Variants in FOXJ3 observed in about 807,000 individuals in gnomAD.
FOXJ3 encodes the protein forkhead box J3.
A neutral mutation model predicts 76.1 loss-of-function variants in FOXJ3; 22 were observed. That is an observed-to-expected ratio of 0.29 (90% CI 0.21 to 0.41). The LOEUF is 0.41. FOXJ3 is among the 10% of genes least tolerant of loss of function. FOXJ3 has a pLI of 1.00. For synonymous variants in FOXJ3, 269 were observed against 261.2 expected, an observed-to-expected ratio of 1.03 and a Z score of -0.29; for missense variants, 613 against 762.1, an observed-to-expected ratio of 0.80 and a Z score of 2.30.
rs1296909348 is a variant in FOXJ3 at position 42,185,271 on chromosome 1, T to TTTG, written c.1646-3248_1646-3247insCAA. Among the ~76,000 whole-genome samples, 4 of 147,402 alleles carry TTTG rather than the reference T, an allele frequency of 2.7e-5. No homozygotes were observed. The South Asian group carries it at 6.7e-4, about 25-fold the overall frequency. On this transcript the variant is annotated intron_variant, in intron 11 of 12. Coordinates refer to ENST00000361346, the MANE Select transcript of FOXJ3 (RefSeq NM_014947.5). ...TACTGAATTTTTTTTTTTTTTTTTTTTTTTGAGATGGAGTCTCGCTCTGTC... is the reference window on the plus strand; with the variant it reads ...TACTGAATTTTTTTTTTTTTTTTTTTTTGTTTTGAGATGGAGTCTCGCTCTGTC...
chr1:42,198,533 A>T (rs1646697963), intron 7 of FOXJ3, among the ~76,000 whole-genome samples: 2 of 152,224 alleles, frequency 1.3e-5, no homozygotes, highest in South Asian at 4.1e-4. Context: ...TTTGAAAAGA[A>T]ATAACAGATA....
chr1:42,235,558 T>G (rs190669145), intron 4 of FOXJ3, among the ~76,000 whole-genome samples: 1,981 of 145,986 alleles, frequency 0.014, 13 homozygotes, highest in African/African-American at 0.018. Context: ...CCGTTTTTTT[T>G]TGTGTTTTTT....
chr1:42,189,753 C>A, intron 9 of FOXJ3: 1 of 188,528 alleles, frequency 5.3e-6, no homozygotes, highest in Non-Finnish European at 1.1e-5. Context: ...CTGCTCTTTA[C>A]ATTACAGTAC....
intron 8 of FOXJ3, 143 bp downstream of exon 8, chr1:42,194,747 C>G: frequency 3.4e-6 from 2 of 592,816 alleles, no homozygotes; most frequent in Non-Finnish European, 5.7e-6. Context: ...ACAGTAAAGG[C>G]ACAAAGGGCA....
At chr1:42,267,061 A>T (rs1651519668) in intron 3 of FOXJ3, among the ~76,000 whole-genome samples, 1 of 152,070 alleles carries the variant, frequency 6.6e-6, no homozygotes, top group African/African-American at 2.4e-5. Flanking sequence ...CCTGGAGAAG[A>T]GGCGCGAAAC....
rs1408796750 is a variant in FOXJ3 at position 42,191,674 on chromosome 1, G to A, written c.980C>T (p.Ser327Leu). 1.2e-6 allele frequency: 2 copies of A among 1,613,940 alleles called. No individual in the cohort carries two copies. The highest frequency in any genetic ancestry group is 2.2e-5 in the East Asian group (1 of 44,904). The change falls in exon 9 of 13, where the codon TCA (serine) becomes TTA (leucine). Residue 327 changes from serine (S) to leucine (L), a missense_variant. Around this residue, in one of 3 missense-constraint regions of FOXJ3, gnomAD observed 526 missense variants for 601.4 expected, o/e 0.87. Transcript: ENST00000361346. ...GCTGGGAGAGTGCTGATAGGTACAT[G>A]AAGTGTGGGACTGCTGGGAAGATTC... ...PSESSQQSHT[S>L]CTYQHSPSST...
intron 2 of FOXJ3, among the ~76,000 whole-genome samples, chr1:42,294,544 G>A (rs1653653922): frequency 6.6e-6 from 1 of 151,986 alleles, no homozygotes; most frequent in African/African-American, 2.4e-5. Context: ...AGATCATCTG[G>A]GATCAGGAGT....
intron 1 of FOXJ3, among the ~76,000 whole-genome samples, chr1:42,323,335 C>CCATT (rs1188050868): frequency 1.3e-5 from 2 of 152,098 alleles, no homozygotes; most frequent in African/African-American, 2.4e-5. Context: ...TCAAATATGA[C>CCATT]CATTCATTCA....
rs760933041 is a variant in FOXJ3, at chr1:42,191,335, G to A, written c.1319C>T (p.Pro440Leu). 7.1e-6 allele frequency: 11 copies of A among 1,555,922 alleles called. No homozygotes were observed. The highest frequency in any genetic ancestry group is 9.6e-6 in the Non-Finnish European group (11 of 1,145,130). The change falls in exon 9 of 13, where the codon CCC becomes CTC. Residue 440 changes from proline (P) to leucine (L), a missense_variant. Around this residue, in one of 3 missense-constraint regions of FOXJ3, gnomAD observed 526 missense variants for 601.4 expected, o/e 0.87. Transcript: ENST00000361346. ...ACAGGATACCTGTTGTGGGGGTGGG[G>A]GTGCCTGATGTGTTAACGTCTGATG... ...HQHQTLTHQA[P>L]PPPQQVSCNS...
At chr1:42,245,620 T>C (rs1470197604) in intron 4 of FOXJ3, among the ~76,000 whole-genome samples, 8 of 152,154 alleles carry the variant, frequency 5.3e-5, no homozygotes. Context: ...AAATTCAACG[T>C]CATTTCATAA....
chr1:42,260,488 G>C (rs1377079441), intron 4 of FOXJ3, among the ~76,000 whole-genome samples: 1 of 152,016 alleles, frequency 6.6e-6, no homozygotes, highest in Non-Finnish European at 1.5e-5. Flanking sequence ...ATCACTTGAG[G>C]CCAGGAGTTC....
At chr1:42,288,608 T>C (rs571728404) in intron 2 of FOXJ3, among the ~76,000 whole-genome samples, 2 of 152,348 alleles carry the variant, frequency 1.3e-5, no homozygotes, top group African/African-American at 4.8e-5. Context: ...ATGTGGTGTT[T>C]ATGGATCAGC....
chr1:42,236,710 A>G (rs1251692193), intron 4 of FOXJ3, among the ~76,000 whole-genome samples: 1 of 152,154 alleles, frequency 6.6e-6, no homozygotes, highest in Non-Finnish European at 1.5e-5. Context: ...GATTCCTATC[A>G]TTGTGCATTT....
At chr1:42,324,735 A>C (rs1181201981) in intron 1 of FOXJ3, among the ~76,000 whole-genome samples, 1 of 152,184 alleles carries the variant, frequency 6.6e-6, no homozygotes, top group African/African-American at 2.4e-5. Flanking sequence ...CTAAACACAG[A>C]AAAGGTACAG....
intron 3 of FOXJ3, among the ~76,000 whole-genome samples, chr1:42,274,666 G>T (rs1011570667): frequency 2.0e-5 from 3 of 152,168 alleles, no homozygotes. Flanking sequence ...ACTTAGTATA[G>T]TGCCTGGCAG....
At chr1:42,217,305 C>T (rs1647089693) in intron 5 of FOXJ3, among the ~76,000 whole-genome samples, 1 of 152,040 alleles carries the variant, frequency 6.6e-6, no homozygotes, top group Non-Finnish European at 1.5e-5. Context: ...CCGAGGGTGG[C>T]GGATCACAAG....
intron 1 of FOXJ3, among the ~76,000 whole-genome samples, chr1:42,316,622 T>C (rs1291664464): frequency 6.6e-6 from 1 of 152,204 alleles, no homozygotes; most frequent in Non-Finnish European, 1.5e-5. Flanking sequence ...ACCTTGGATA[T>C]GTTAACTTCC....
chr1:42,246,943 T>C, intron 4 of FOXJ3, among the ~76,000 whole-genome samples: 1 of 152,140 alleles, frequency 6.6e-6, no homozygotes, highest in East Asian at 1.9e-4. Context: ...AAATATCATA[T>C]AGTATCATTC....
At chr1:42,228,107 G>A (rs1197905271) in intron 4 of FOXJ3, 141 bp from the exon 5 acceptor site, 5 of 413,976 alleles carry the variant, frequency 1.2e-5, no homozygotes, top group African/African-American at 1.0e-4. Context: ...GTTTTGAACT[G>A]AGAAAAAGAT....
Sources: allele counts gnomAD v4.1 joint callset (sites outside exome capture counted in the v4.1 genomes callset), GRCh38; gene constraint gnomAD v4.1.1; regional missense constraint gnomAD v4.1.1; transcripts MANE v1.5; gene names NCBI Gene and HGNC (gene_info 2026-07-23, HGNC 2026-07-21).